The following TENM4 variants were observed in gnomAD, a reference collection of about 807,000 sequenced individuals.
The protein encoded by TENM4 is teneurin-4.
TENM4 carries 82 observed loss-of-function variants against 243.3 expected under a neutral mutation model. The ratio of observed to expected loss-of-function variants is 0.34; its 90% CI spans 0.28 to 0.40. TENM4 has a LOEUF of 0.40. TENM4 is among the 10% of genes least tolerant of loss of function. TENM4 has a pLI of 1.00. For missense variants in TENM4, 3,138 were observed against 3,673.3 expected (o/e 0.85, Z 3.77); for synonymous variants, 1,412 against 1,456.3 (o/e 0.97, Z 0.69).
chr11:79,001,969 C>T (rs1858340489), intron 6 of TENM4, among the ~76,000 whole-genome samples: 3 of 152,160 alleles, frequency 2.0e-5, no homozygotes, highest in African/African-American at 7.2e-5. Flanking sequence ...CATGCATTTG[C>T]CCATAGCTCC....
At chr11:79,185,879 A>T (rs1387068386) in intron 3 of TENM4, among the ~76,000 whole-genome samples, 1 of 152,226 alleles carries the variant, frequency 6.6e-6, no homozygotes, top group African/African-American at 2.4e-5. Flanking sequence ...GGTAATGTTC[A>T]TAACGACAAT....
intron 6 of TENM4, among the ~76,000 whole-genome samples, chr11:78,982,316 T>C (rs1372304536): frequency 6.6e-6 from 1 of 152,192 alleles, no homozygotes; most frequent in Non-Finnish European, 1.5e-5. Flanking sequence ...TTGGAGGCCT[T>C]GTCCCACATT....
chr11:79,150,363 T>A (rs1440398149), intron 3 of TENM4, among the ~76,000 whole-genome samples: 1 of 152,154 alleles, frequency 6.6e-6, no homozygotes, highest in East Asian at 1.9e-4. Flanking sequence ...GTGATGTTTA[T>A]GTCTATCAAA....
chr11:78,818,534 G>T (rs575347948), intron 12 of TENM4, among the ~76,000 whole-genome samples: 2 of 152,156 alleles, frequency 1.3e-5, no homozygotes, highest in Admixed American at 6.6e-5. Context: ...GAAATATAGA[G>T]AATATTTTCT....
chr11:79,149,946 GT>G (rs1862471351), intron 3 of TENM4, among the ~76,000 whole-genome samples: 2 of 152,140 alleles, frequency 1.3e-5, no homozygotes, highest in Non-Finnish European at 1.5e-5. Context: ...GTACTTAAAA[GT>G]TTCTAAACAA....
At position 79,289,998 on chromosome 11, in the gene TENM4, G is replaced by A. The variant is rs189564191; in HGVS notation, c.-265+7490C>T. On this transcript the variant is annotated intron_variant, in intron 2 of 33. Transcript: ENST00000278550. ...TTAAGTAGAGATGGGGTTTTGCCAT[G>A]TTAGCCAGGCGGGTCTTGAACTCCT... Among the ~76,000 whole-genome samples the A allele has an allele frequency of 3.7e-3, 556 of 151,094 alleles. 4 individuals carry two copies. The highest frequency in any genetic ancestry group is 0.017 in the Admixed American group (254 of 15,158).
intron 14 of TENM4, among the ~76,000 whole-genome samples, chr11:78,809,107 G>A (rs1252382379): frequency 6.6e-6 from 1 of 152,198 alleles, no homozygotes; most frequent in Non-Finnish European, 1.5e-5. Flanking sequence ...CAGGCTGGGA[G>A]GGTGCCAAGT....
At chr11:79,175,106 G>A (rs1030734515) in intron 3 of TENM4, among the ~76,000 whole-genome samples, 1 of 152,136 alleles carries the variant, frequency 6.6e-6, no homozygotes, top group African/African-American at 2.4e-5. Flanking sequence ...ACCCTAGAAA[G>A]TTTGAGTTCA....
intron 4 of TENM4, among the ~76,000 whole-genome samples, chr11:79,116,921 C>G (rs1425320509): frequency 6.6e-6 from 1 of 152,200 alleles, no homozygotes; most frequent in African/African-American, 2.4e-5. Flanking sequence ...GGATCCTGCA[C>G]AGGGTAAGCA....
chr11:79,325,463 G>A (rs1856958204), intron 1 of TENM4, among the ~76,000 whole-genome samples: 1 of 152,174 alleles, frequency 6.6e-6, no homozygotes, highest in African/African-American at 2.4e-5. Context: ...GCTCTGAAAG[G>A]AATGCCCCAC....
At chr11:79,391,529 T>C (rs190804515) in intron 1 of TENM4, among the ~76,000 whole-genome samples, 31 of 152,318 alleles carry the variant, frequency 2.0e-4, no homozygotes, top group African/African-American at 7.2e-4. Flanking sequence ...GTAGCAAATA[T>C]TAATCAGAGA....
chr11:79,198,751 G>A (rs1040079101), intron 3 of TENM4, among the ~76,000 whole-genome samples: 9 of 152,200 alleles, frequency 5.9e-5, no homozygotes, highest in African/African-American at 2.2e-4. Flanking sequence ...AGGATGCTGG[G>A]GACGCAGAGG....
chr11:79,004,310 A>T (rs1565163167), intron 6 of TENM4, among the ~76,000 whole-genome samples: 1 of 152,126 alleles, frequency 6.6e-6, no homozygotes. Context: ...TATCTACAGA[A>T]CTCTCCACCC....
In TENM4 at chr11:79,041,536, T is replaced by A. The variant is rs1372134598; in HGVS notation, c.493+23202A>T. Among the ~76,000 whole-genome samples, 6 of 151,528 alleles carry A rather than the reference T, an allele frequency of 4.0e-5. No homozygotes were observed. The East Asian group carries it at 9.7e-4, about 25-fold the overall frequency. ...GAAGAAACAATTTACTTTTCTTTCC[T>A]GGAGAAGATTCTTTTTAAAACTGGC... On this transcript the variant is annotated intron_variant, in intron 6 of 33. Coordinates refer to ENST00000278550, the MANE Select transcript of TENM4 (RefSeq NM_001098816.3).
chr11:78,699,767 G>A (rs1859060884), intron 28 of TENM4, among the ~76,000 whole-genome samples: 1 of 152,236 alleles, frequency 6.6e-6, no homozygotes, highest in African/African-American at 2.4e-5. Context: ...TTAGATTTCA[G>A]GGGTGGTGGA....
intron 6 of TENM4, among the ~76,000 whole-genome samples, chr11:78,938,306 C>A (rs1856827716): frequency 6.6e-6 from 1 of 152,150 alleles, no homozygotes. Flanking sequence ...CTAAAACTTG[C>A]AAAAATAGTA....
intron 2 of TENM4, among the ~76,000 whole-genome samples, chr11:79,269,034 T>C (rs183843196): frequency 2.6e-5 from 4 of 152,336 alleles, no homozygotes; most frequent in African/African-American, 9.6e-5. Context: ...ATTAATGAGC[T>C]GACAAAAATG....
intron 17 of TENM4, among the ~76,000 whole-genome samples, chr11:78,772,920 A>G (rs1419088908): frequency 1.3e-5 from 2 of 152,236 alleles, no homozygotes; most frequent in Non-Finnish European, 1.5e-5. Flanking sequence ...GGCTACCAGC[A>G]TGGCCACCCC....
chr11:78,779,848 T>C (rs1450339210), intron 16 of TENM4, among the ~76,000 whole-genome samples: 2 of 152,232 alleles, frequency 1.3e-5, no homozygotes, highest in Non-Finnish European at 2.9e-5. Context: ...CTTACTCTCT[T>C]CATAAAAAAC....
Sources: gnomAD v4.1 joint callset for allele counts (sites outside exome capture counted in the v4.1 genomes callset) on GRCh38, gnomAD v4.1.1 for gene constraint, MANE v1.5 for transcripts, NCBI Gene and HGNC (gene_info 2026-07-23, HGNC 2026-07-21) for gene names.